ATP10A: variants seen among roughly 807,000 people sequenced by gnomAD.
The protein encoded by ATP10A is phospholipid-transporting ATPase VA.
In ATP10A, 111 loss-of-function variants were observed where a neutral mutation model predicts 147.8. That is an observed-to-expected ratio of 0.75 (90% CI 0.64 to 0.88). ATP10A has a LOEUF of 0.88. Among genes scored for constraint, ATP10A ranks in the 40% least tolerant of loss-of-function variants. The pLI is 0.00. For synonymous variants in ATP10A, 875 were observed against 841.6 expected, an observed-to-expected ratio of 1.04 and a Z score of -0.69; for missense variants, 1,927 against 1,959.0, an observed-to-expected ratio of 0.98 and a Z score of 0.31.
intron 2 of ATP10A, among the ~76,000 whole-genome samples, chr15:25,771,054 G>GTTCTC (rs886877418): frequency 6.6e-6 from 1 of 152,158 alleles, no homozygotes; most frequent in African/African-American, 2.4e-5. Flanking sequence ...TTTATAAGCG[G>GTTCTC]TAGTGGTTTT....
At chr15:25,761,517 A>G (rs925362527) in intron 2 of ATP10A, among the ~76,000 whole-genome samples, 2 of 152,250 alleles carry the variant, frequency 1.3e-5, no homozygotes, top group African/African-American at 4.8e-5. Context: ...CTGTGAAAGC[A>G]GCCAGGAGTG....
chr15:25,672,304 A>G (rs113207879), downstream of ATP10A, among the ~76,000 whole-genome samples: 12,663 of 152,240 alleles, frequency 0.083, 973 homozygotes, highest in African/African-American at 0.22. Flanking sequence ...TCTGTGTTGT[A>G]CATGTGTTAG....
At chr15:25,786,162 G>A (rs1890148196) in intron 1 of ATP10A, among the ~76,000 whole-genome samples, 2 of 152,118 alleles carry the variant, frequency 1.3e-5, no homozygotes, top group Non-Finnish European at 2.9e-5. Context: ...GCTGGGGGCA[G>A]AGAGGTGCCA....
In ATP10A at chr15:25,691,637, G is replaced by C; in HGVS notation, c.3165+78C>G. ...CGTTCAGTAGAGCCCAGAGGAAGTC[G>C]GGGACAGCCCACAGGGTGACAGGAC... is the stretch of plus-strand genomic sequence containing the variant. On this transcript the variant is annotated intron_variant, in intron 15 of 20. Coordinates refer to ENST00000555815, the MANE Select transcript of ATP10A (RefSeq NM_024490.4). The C allele has an allele frequency of 4.1e-6, 6 of 1,450,924 alleles. No homozygotes were observed. In the South Asian group the frequency reaches 5.7e-5, roughly 14 times the overall value. 89.9% of individuals were successfully genotyped at this position (1,450,924 alleles called of 1,614,324 possible).
rs768713251 is a variant in ATP10A, at chr15:25,716,893, A to T, written c.1613T>A (p.Leu538Gln). Residue 538 changes from leucine to glutamine, a missense_variant, in exon 9 of 21, where the codon CTG (leucine) becomes CAG (glutamine). By Grantham distance (113) the Leu-to-Gln change is moderately radical. Transcript: ENST00000555815. ...EKDITPDPKL[L>Q]EKVSECDKSL... The stretch of plus-strand genomic sequence containing the variant: ...CTTGTCACACTCACTCACCTTCTCC[A>T]GCAGCTTTGGGTCGGGCGTGATATC... The T allele has an allele frequency of 1.9e-6, 3 of 1,599,170 alleles. No homozygotes were observed. In the South Asian group the frequency reaches 3.4e-5, roughly 18 times the overall value.
At chr15:25,725,489 A>G (rs141798359) in intron 5 of ATP10A, among the ~76,000 whole-genome samples, 34 of 152,194 alleles carry the variant, frequency 2.2e-4, no homozygotes, top group African/African-American at 7.5e-4. Context: ...ATGCCCATTC[A>G]CCCAGGCGTT....
chr15:25,820,642 G>A (rs1309697340), intron 1 of ATP10A, among the ~76,000 whole-genome samples: 1 of 152,090 alleles, frequency 6.6e-6, no homozygotes, highest in Non-Finnish European at 1.5e-5. Flanking sequence ...GCAGTGGTCT[G>A]GGAAAAAATG....
intron 2 of ATP10A, among the ~76,000 whole-genome samples, chr15:25,753,681 T>G (rs9972553): frequency 0.64 from 97,222 of 150,908 alleles, 32,027 homozygotes; most frequent in South Asian, 0.72. Flanking sequence ...GTGTACATTG[T>G]CCCCCACCTG....
chr15:25,832,981 C>CTTTT (rs202037774), intron 1 of ATP10A, among the ~76,000 whole-genome samples: 11 of 124,218 alleles, frequency 8.9e-5, no homozygotes, highest in Non-Finnish European at 1.2e-4. Flanking sequence ...CTATTTTATT[C>CTTTT]TTTTTTTTTT....
intron 1 of ATP10A, among the ~76,000 whole-genome samples, chr15:25,806,043 G>C (rs2140799476): frequency 6.6e-6 from 1 of 152,264 alleles, no homozygotes; most frequent in East Asian, 1.9e-4. Flanking sequence ...TCAAACAAGT[G>C]ATTTTTTCAT....
rs187856647 is a variant in ATP10A at position 25,726,780 on chromosome 15, G to C, written c.847+380C>G. 7.9e-3 allele frequency among the ~76,000 whole-genome samples: 1,188 copies of C among 151,184 alleles called. 11 individuals are homozygous for C. Among genetic ancestry groups the C allele is most frequent in the Non-Finnish European group, 0.013 (886 of 67,718 alleles). ...GAAAACGGTGAGGGAGGCCGGGCACGGTGACTCATGCCTGTAATCCCAGCA... is the reference window on the plus strand; with the variant it reads ...GAAAACGGTGAGGGAGGCCGGGCACCGTGACTCATGCCTGTAATCCCAGCA... On this transcript the variant is annotated intron_variant, in intron 4 of 20. Transcript: ENST00000555815.
intron 1 of ATP10A, among the ~76,000 whole-genome samples, chr15:25,821,141 T>C (rs1891860178): frequency 6.6e-6 from 1 of 152,212 alleles, no homozygotes; most frequent in Admixed American, 6.5e-5. Context: ...GGCTCATGCC[T>C]ACAATCCCAG....
chr15:25,859,735 G>C (rs568647453), intron 1 of ATP10A, among the ~76,000 whole-genome samples: 1 of 152,232 alleles, frequency 6.6e-6, no homozygotes, highest in East Asian at 1.9e-4. Flanking sequence ...TTTCTAACAG[G>C]CTCTAAGGGG....
rs202218357 is a variant in ATP10A, at chr15:25,679,665, G to A, written c.4176C>T (p.Ala1392=). 8.2e-5 allele frequency: 133 copies of A among 1,613,134 alleles called. 2 individuals carry two copies. Among genetic ancestry groups the A allele is most frequent in the Non-Finnish European group, 1.1e-5 (13 of 1,180,002 alleles). ...CCTCCCCTGGCGCAGAGGACATGGG[G>A]GCCGGTGCGCTCAGCCCCTCCAGCA... ...HTLLEGLSAP[A]PMSSAPGEAV... is the part of the protein sequence containing the mutation. The change falls in exon 21 of 21, where the codon GCC becomes GCT. Residue 1392 remains alanine, a synonymous_variant. Transcript: ENST00000555815.
rs1900214146 is a variant in ATP10A, at chr15:25,694,692, T to C, written c.3088+127A>G. 4 of 857,620 alleles carry C rather than the reference T, an allele frequency of 4.7e-6. No homozygotes were observed. In the East Asian group the frequency reaches 1.1e-4, roughly 23 times the overall value. 53.1% of individuals were successfully genotyped at this position (857,620 alleles called of 1,614,324 possible). A position where few individuals can be genotyped will look rare whatever the true frequency, so the allele number is the denominator to read the frequency against. ...GAACATGTTGCCTGCTCTATCACAC[T>C]GGGTGTGATTTTACACACAGAAAGA... On this transcript the variant is annotated intron_variant, in intron 14 of 20. Coordinates refer to ENST00000555815, the MANE Select transcript of ATP10A (RefSeq NM_024490.4).
At chr15:25,806,097 A>G (rs1001407153) in intron 1 of ATP10A, among the ~76,000 whole-genome samples, 6 of 152,174 alleles carry the variant, frequency 3.9e-5, no homozygotes, top group African/African-American at 1.4e-4. Flanking sequence ...ACACAGGTCC[A>G]TATACATGTG....
Position 25,721,750 on chromosome 15 carries a change from T to C in ATP10A, c.1270A>G (p.Ile424Val), listed in dbSNP as rs773280944. The change falls in exon 7 of 21, where the codon ATT becomes GTT. Residue 424 changes from isoleucine to valine, a missense_variant. Physicochemically the swap from Ile to Val is conservative, Grantham distance 29 (BLOSUM62 3). Coordinates refer to ENST00000555815, the MANE Select transcript of ATP10A (RefSeq NM_024490.4). ...ITEDLGQIQY[I>V]FSDKTGTLTE... ...AAAGTGCCAGTTTTATCTGAGAAAATGTACTGTATCTGTCCTAAGTCTTCC... is the reference window on the plus strand; with the variant it reads ...AAAGTGCCAGTTTTATCTGAGAAAACGTACTGTATCTGTCCTAAGTCTTCC... 1 of 1,614,134 alleles carries C rather than the reference T, an allele frequency of 6.2e-7. No individual in the cohort carries two copies. Among genetic ancestry groups the C allele is most frequent in the Non-Finnish European group, 8.5e-7 (1 of 1,180,024 alleles).
At chr15:25,680,527 C>T (rs775106886) in intron 19 of ATP10A, among the ~76,000 whole-genome samples, 16 of 151,822 alleles carry the variant, frequency 1.1e-4, no homozygotes, top group South Asian at 2.1e-4. Flanking sequence ...GAGTCAGGGG[C>T]GAGAGGGCAA....
At chr15:25,788,450 C>G (rs887132303) in intron 1 of ATP10A, among the ~76,000 whole-genome samples, 2 of 152,238 alleles carry the variant, frequency 1.3e-5, no homozygotes, top group East Asian at 3.9e-4. Context: ...CCTCTGCTCC[C>G]GTCCCACCCG....
Sources: gnomAD v4.1 joint callset for allele counts (sites outside exome capture counted in the v4.1 genomes callset) on GRCh38, gnomAD v4.1.1 for gene constraint, MANE v1.5 for transcripts, NCBI Gene and HGNC (gene_info 2026-07-23, HGNC 2026-07-21) for gene names.